Variants in SPATA16 observed in about 807,000 individuals in gnomAD.
SPATA16 encodes spermatogenesis-associated protein 16.
Under a neutral mutation model 63.3 loss-of-function variants are expected in SPATA16, and 36 were observed. The ratio of observed to expected loss-of-function variants is 0.57; its 90% CI spans 0.44 to 0.75. The LOEUF (loss-of-function observed/expected upper bound fraction) is 0.75, where lower values mean the gene tolerates loss of function less well. Ranked by LOEUF, SPATA16 falls within the 30% of genes least tolerant of loss-of-function variation. The pLI is 0.00. For missense variants in SPATA16, 646 were observed against 679.3 expected (o/e 0.95, Z 0.54); for synonymous variants, 203 against 216.7 (o/e 0.94, Z 0.56).
intron 6 of SPATA16, among the ~76,000 whole-genome samples, chr3:172,955,943 C>T (rs16846330): frequency 0.02 from 3,031 of 151,982 alleles, 50 homozygotes; most frequent in Non-Finnish European, 0.031. Context: ...GTGACTCAGC[C>T]GCAAAACTCT....
intron 6 of SPATA16, among the ~76,000 whole-genome samples, chr3:172,944,752 CTA>C (rs1270177106): frequency 6.6e-6 from 1 of 152,128 alleles, no homozygotes; most frequent in Non-Finnish European, 1.5e-5. Context: ...TGGACAAATA[CTA>C]TATGATTCCA....
intron 4 of SPATA16, among the ~76,000 whole-genome samples, chr3:172,986,452 T>C (rs114545120): frequency 0.02 from 3,051 of 152,218 alleles, 41 homozygotes; most frequent in Admixed American, 0.032. Context: ...GTAAAGTGGA[T>C]AAATCAATAT....
chr3:173,129,684 A>T (rs1029039537), intron 1 of SPATA16, among the ~76,000 whole-genome samples: 1 of 152,134 alleles, frequency 6.6e-6, no homozygotes, highest in Non-Finnish European at 1.5e-5. Flanking sequence ...ACACATCTGT[A>T]TAATTTTTCT....
intron 3 of SPATA16, among the ~76,000 whole-genome samples, chr3:173,032,996 T>C (rs887827842): frequency 6.6e-5 from 10 of 152,134 alleles, no homozygotes; most frequent in African/African-American, 2.4e-4. Context: ...CCTGAATATA[T>C]CAAGGATCAC....
intron 8 of SPATA16, among the ~76,000 whole-genome samples, chr3:172,916,905 G>T (rs1485498465): frequency 6.6e-6 from 1 of 152,198 alleles, no homozygotes; most frequent in African/African-American, 2.4e-5. Context: ...ATTTTTTAAT[G>T]CAAGTTGAAT....
intron 1 of SPATA16, among the ~76,000 whole-genome samples, chr3:173,134,565 TC>T (rs968181165): frequency 9.2e-5 from 14 of 152,178 alleles, no homozygotes; most frequent in African/African-American, 3.4e-4. Context: ...CATATCTGCT[TC>T]CTCTTTGCTT....
At chr3:172,902,437 T>TA (rs1560061666) in intron 10 of SPATA16, among the ~76,000 whole-genome samples, 2 of 152,196 alleles carry the variant, frequency 1.3e-5, no homozygotes. Flanking sequence ...CATAGGTTTT[T>TA]AAAAAATGAT....
At chr3:172,929,233 T>TA (rs896474607) in intron 6 of SPATA16, among the ~76,000 whole-genome samples, 8 of 151,750 alleles carry the variant, frequency 5.3e-5, no homozygotes, top group Admixed American at 1.3e-4. Context: ...AATTTATTAT[T>TA]AAAAAAAAAT....
chr3:173,116,997 T>G, intron 2 of SPATA16, 123 bp downstream of exon 2: 1 of 1,020,988 alleles, frequency 9.8e-7, no homozygotes, highest in Non-Finnish European at 1.5e-6. Context: ...AATCCTAATA[T>G]CATTACATAT....
chr3:173,123,428 T>C (rs1287690702), intron 1 of SPATA16, among the ~76,000 whole-genome samples: 2 of 152,064 alleles, frequency 1.3e-5, no homozygotes, highest in African/African-American at 2.4e-5. Context: ...CCCAAGTTGA[T>C]TGGGATTTGT....
intron 2 of SPATA16, among the ~76,000 whole-genome samples, chr3:173,069,417 T>G (rs2108306046): frequency 6.6e-6 from 1 of 152,220 alleles, no homozygotes; most frequent in East Asian, 1.9e-4. Context: ...ACATGCAACA[T>G]GCCAAGATTG....
intron 2 of SPATA16, among the ~76,000 whole-genome samples, chr3:173,086,154 C>G (rs1292518967): frequency 1.3e-5 from 2 of 152,142 alleles, no homozygotes; most frequent in Non-Finnish European, 2.9e-5. Flanking sequence ...AGCTGTAAAT[C>G]TGCCTTGTCC....
At chr3:172,934,699 G>A (rs1732941462) in intron 6 of SPATA16, among the ~76,000 whole-genome samples, 1 of 152,076 alleles carries the variant, frequency 6.6e-6, no homozygotes, top group Non-Finnish European at 1.5e-5. Flanking sequence ...TGATTCATAA[G>A]CAAATAATCT....
rs578148276 is a variant in SPATA16, at chr3:172,949,450, A to G, written c.1081+7227T>C. Reference sequence around the variant, plus strand: ...AGTAAAAAAATTTGTAATTCTGTGCAACATTGACTTCAAAATTTTTTTAAA... The same window carrying G: ...AGTAAAAAAATTTGTAATTCTGTGCGACATTGACTTCAAAATTTTTTTAAA... On this transcript the variant is annotated intron_variant, in intron 6 of 10. Transcript: ENST00000351008. 1.5e-4 allele frequency among the ~76,000 whole-genome samples: 23 copies of G among 152,344 alleles called. No homozygotes were observed. In the South Asian group the frequency reaches 4.8e-3, roughly 32 times the overall value.
In SPATA16 at chr3:172,889,605, T is replaced by C; in HGVS notation, c.1675A>G (p.Lys559Glu). The C allele has an allele frequency of 1.2e-6, 2 of 1,613,928 alleles. No individual in the cohort carries two copies. The highest frequency in any genetic ancestry group is 1.7e-6 in the Non-Finnish European group (2 of 1,179,880). ...KLRTARRQKT[K>E]MKRLQTVQQR ...TGAACAGTTTGAAGTCGCTTCATTT[T>C]TGTTTTTTGCCTTCGAGCAGTTCTC... The change falls in exon 11 of 11, where the codon AAA becomes GAA. Residue 559 changes from lysine to glutamate, a missense_variant. By Grantham distance (56) the Lys-to-Glu change is moderately conservative (BLOSUM62 1). Coordinates refer to ENST00000351008, the MANE Select transcript of SPATA16 (RefSeq NM_031955.6).
intron 3 of SPATA16, among the ~76,000 whole-genome samples, chr3:173,038,078 C>T (rs1308553871): frequency 1.3e-5 from 2 of 151,978 alleles, no homozygotes; most frequent in Non-Finnish European, 2.9e-5. Context: ...GAGGGTGAGT[C>T]ATGCATACTC....
chr3:172,949,065 G>T (rs915649300), intron 6 of SPATA16, among the ~76,000 whole-genome samples: 1 of 152,078 alleles, frequency 6.6e-6, no homozygotes, highest in Non-Finnish European at 1.5e-5. Flanking sequence ...GTAGGGAGTT[G>T]TTTGGGATTA....
intron 3 of SPATA16, among the ~76,000 whole-genome samples, chr3:173,048,019 A>G (rs1322639355): frequency 6.6e-6 from 1 of 152,240 alleles, no homozygotes; most frequent in African/African-American, 2.4e-5. Flanking sequence ...GACTTTTACC[A>G]TACTAATAAA....
intron 2 of SPATA16, among the ~76,000 whole-genome samples, chr3:173,064,314 G>A (rs1437277323): frequency 1.0e-4 from 7 of 67,688 alleles, no homozygotes; most frequent in African/African-American, 3.8e-4. Context: ...TCACACACAC[G>A]CACACCAAAA....
Sources: gnomAD v4.1 joint callset for allele counts (sites outside exome capture counted in the v4.1 genomes callset) on GRCh38, gnomAD v4.1.1 for gene constraint, MANE v1.5 for transcripts, NCBI Gene and HGNC (gene_info 2026-07-23, HGNC 2026-07-21) for gene names.